LINGO2: variants seen among roughly 807,000 people sequenced by gnomAD.
LINGO2 encodes the protein leucine-rich repeat and immunoglobulin-like domain-containing nogo receptor-interacting protein 2.
In LINGO2, 14 loss-of-function variants were observed where a neutral mutation model predicts 30.6. The observed-to-expected ratio is 0.46, with a 90% CI of 0.30 to 0.72. LINGO2 has a LOEUF of 0.72. Among genes scored for constraint, LINGO2 ranks in the 30% least tolerant of loss-of-function variants. LINGO2 has a pLI of 0.07. For missense variants in LINGO2, 729 were observed against 751.7 expected (o/e 0.97, Z 0.35); for synonymous variants, 317 against 288.5 (o/e 1.10, Z -1.00).
At chr9:28,812,805 C>T in the LINGO2 span, among the ~76,000 whole-genome samples, 1 of 152,110 alleles carries the variant, frequency 6.6e-6, no homozygotes, top group African/African-American at 2.4e-5. Context: ...AACTCTGTTA[C>T]ATTTGGAGGC....
At chr9:28,224,773 C>T (rs1397235859) in intron 4 of LINGO2, among the ~76,000 whole-genome samples, 6 of 152,116 alleles carry the variant, frequency 3.9e-5, no homozygotes, top group East Asian at 3.9e-4. Context: ...AGAATGAAGT[C>T]CTAAAATTTG....
At chr9:28,020,551 CAAAACA>C (rs1823063788) in intron 4 of LINGO2, among the ~76,000 whole-genome samples, 1 of 141,738 alleles carries the variant, frequency 7.1e-6, no homozygotes, top group Non-Finnish European at 1.5e-5. Context: ...CAAAACAAAA[CAAAACA>C]AAACAAAACA....
At chr9:29,134,594 A>AT in the LINGO2 span, among the ~76,000 whole-genome samples, 5 of 152,088 alleles carry the variant, frequency 3.3e-5, no homozygotes, top group Admixed American at 6.6e-5. Flanking sequence ...TGACAGACAC[A>AT]TTTTTTCACT....
intron 4 of LINGO2, among the ~76,000 whole-genome samples, chr9:28,086,668 A>G (rs1825924958): frequency 6.6e-6 from 1 of 152,020 alleles, no homozygotes; most frequent in African/African-American, 2.4e-5. Flanking sequence ...AAAGAAAAAA[A>G]AACATGTCCC....
intron 3 of LINGO2, among the ~76,000 whole-genome samples, chr9:28,357,315 G>GAACCC (rs796282898): frequency 1.5e-5 from 1 of 66,060 alleles, no homozygotes; most frequent in Non-Finnish European, 3.5e-5. Context: ...CAGAAATAAA[G>GAACCC]CCCACCCCCC....
chr9:29,062,501 C>A, the LINGO2 span, among the ~76,000 whole-genome samples: 2 of 152,000 alleles, frequency 1.3e-5, no homozygotes, highest in Non-Finnish European at 2.9e-5. Flanking sequence ...GGATAAAATT[C>A]TGCTTTAAAA....
chr9:28,467,368 C>T (rs1258901812), intron 2 of LINGO2, among the ~76,000 whole-genome samples: 1 of 152,080 alleles, frequency 6.6e-6, no homozygotes, highest in African/African-American at 2.4e-5. Context: ...CCTTTCAAAT[C>T]ATATACTAGA....
intron 4 of LINGO2, among the ~76,000 whole-genome samples, chr9:28,231,779 G>T (rs1287531371): frequency 6.6e-6 from 1 of 151,944 alleles, no homozygotes; most frequent in Non-Finnish European, 1.5e-5. Context: ...TTACAGATCA[G>T]ACCATCAACA....
chr9:28,535,836 G>T (rs1262216730), intron 1 of LINGO2, among the ~76,000 whole-genome samples: 1 of 152,038 alleles, frequency 6.6e-6, no homozygotes, highest in African/African-American at 2.4e-5. Flanking sequence ...AAGAAGAAAG[G>T]TTACTGATAT....
chr9:28,506,487 T>TACAC (rs374238897), intron 1 of LINGO2, among the ~76,000 whole-genome samples: 1 of 40,416 alleles, frequency 2.5e-5, no homozygotes, highest in African/African-American at 6.8e-5. Flanking sequence ...CACATACACA[T>TACAC]ACACACACAC....
intron 4 of LINGO2, among the ~76,000 whole-genome samples, chr9:28,173,507 A>G (rs1828660310): frequency 6.6e-6 from 1 of 152,174 alleles, no homozygotes; most frequent in Admixed American, 6.5e-5. Flanking sequence ...TATAGAGACC[A>G]ATAGACCATA....
chr9:28,859,353 A>C, the LINGO2 span, among the ~76,000 whole-genome samples: 1 of 152,016 alleles, frequency 6.6e-6, no homozygotes, highest in Non-Finnish European at 1.5e-5. Flanking sequence ...CATGAAAATA[A>C]AAGGTTGATA....
At chr9:28,090,361 C>G (rs1474943046) in intron 4 of LINGO2, among the ~76,000 whole-genome samples, 1 of 152,118 alleles carries the variant, frequency 6.6e-6, no homozygotes, top group Non-Finnish European at 1.5e-5. Context: ...AAAGCTTATC[C>G]ACCATGATCA....
intron 1 of LINGO2, among the ~76,000 whole-genome samples, chr9:28,656,043 A>G (rs1588033897): frequency 6.6e-6 from 1 of 152,110 alleles, no homozygotes; most frequent in African/African-American, 2.4e-5. Flanking sequence ...ATTATTTAAC[A>G]TTGGCTGTAA....
chr9:28,302,456 A>AT (rs1266877164), intron 3 of LINGO2, among the ~76,000 whole-genome samples: 2 of 152,182 alleles, frequency 1.3e-5, no homozygotes, highest in African/African-American at 4.8e-5. Flanking sequence ...AGACAGGTGG[A>AT]TTACTTGAGC....
At chr9:28,018,737 T>G (rs1043966599) in intron 4 of LINGO2, among the ~76,000 whole-genome samples, 1 of 152,042 alleles carries the variant, frequency 6.6e-6, no homozygotes, top group African/African-American at 2.4e-5. Context: ...CACTTATACA[T>G]TGCTGGGGGG....
intron 3 of LINGO2, among the ~76,000 whole-genome samples, chr9:28,302,698 C>T (rs1408236516): frequency 6.6e-6 from 1 of 152,096 alleles, no homozygotes; most frequent in Non-Finnish European, 1.5e-5. Flanking sequence ...CCCCTTTCAG[C>T]AGGGTGATGG....
chr9:28,649,954 A>C (rs1240305354), intron 1 of LINGO2, among the ~76,000 whole-genome samples: 1 of 152,000 alleles, frequency 6.6e-6, no homozygotes, highest in African/African-American at 2.4e-5. Flanking sequence ...TGAAAAACTA[A>C]AGAACATTCC....
chr9:28,372,193 A>G (rs1401465538), intron 3 of LINGO2, among the ~76,000 whole-genome samples: 1 of 152,196 alleles, frequency 6.6e-6, no homozygotes, highest in Non-Finnish European at 1.5e-5. Context: ...ATTATATTTA[A>G]TTGCTATATT....
Sources: gnomAD v4.1 joint callset for allele counts (sites outside exome capture counted in the v4.1 genomes callset) on GRCh38, gnomAD v4.1.1 for gene constraint, MANE v1.5 for transcripts, NCBI Gene and HGNC (gene_info 2026-07-23, HGNC 2026-07-21) for gene names.